Variants in COMMD10 observed in about 807,000 individuals in gnomAD.
The protein encoded by COMMD10 is COMM domain containing 10, also known as COMM domain-containing protein 10.
In COMMD10, 33 loss-of-function variants were observed where a neutral mutation model predicts 28.9. The observed-to-expected ratio is 1.14, with a 90% CI of 0.87 to 1.53. The LOEUF (loss-of-function observed/expected upper bound fraction) is 1.53. COMMD10 is among the 40% of genes most tolerant of loss of function. COMMD10 has a pLI of 0.00. For missense variants in COMMD10, 310 were observed against 233.4 expected (o/e 1.33, Z -2.14); for synonymous variants, 110 against 81.7 (o/e 1.35, Z -1.87).
intron 4 of COMMD10, among the ~76,000 whole-genome samples, chr5:116,099,722 G>A (rs1202937012): frequency 6.6e-6 from 1 of 152,082 alleles, no homozygotes; most frequent in African/African-American, 2.4e-5. Context: ...TTATATACCT[G>A]TTGATCATTT....
intron 5 of COMMD10, among the ~76,000 whole-genome samples, chr5:116,167,968 A>T (rs1313424349): frequency 6.6e-6 from 1 of 152,166 alleles, no homozygotes; most frequent in Non-Finnish European, 1.5e-5. Context: ...ACAGGATCAA[A>T]TTCACATGAA....
intron 5 of COMMD10, among the ~76,000 whole-genome samples, chr5:116,159,749 A>G (rs1225722635): frequency 6.6e-6 from 1 of 152,218 alleles, no homozygotes; most frequent in Non-Finnish European, 1.5e-5. Context: ...GACTCCACAG[A>G]GGAAAACATC....
chr5:116,219,579 TAGA>T (rs968131597), intron 5 of COMMD10, among the ~76,000 whole-genome samples: 36 of 152,144 alleles, frequency 2.4e-4, no homozygotes, highest in African/African-American at 7.7e-4. Context: ...TGCTGGCAGC[TAGA>T]AGGAGGAAGA....
intron 4 of COMMD10, among the ~76,000 whole-genome samples, chr5:116,101,720 G>T (rs993603881): frequency 6.6e-6 from 1 of 152,130 alleles, no homozygotes; most frequent in African/African-American, 2.4e-5. Flanking sequence ...CACTGCGCCC[G>T]GACTTTCTTC....
chr5:116,232,474 C>T (rs953248678), intron 5 of COMMD10, among the ~76,000 whole-genome samples: 5 of 152,028 alleles, frequency 3.3e-5, no homozygotes, highest in Non-Finnish European at 5.9e-5. Context: ...AGGACCTCGG[C>T]ATAAGTGTTC....
At chr5:116,169,940 G>T (rs1753264841) in intron 5 of COMMD10, among the ~76,000 whole-genome samples, 1 of 152,114 alleles carries the variant, frequency 6.6e-6, no homozygotes, top group African/African-American at 2.4e-5. Flanking sequence ...AGACAGCGAT[G>T]CCCTCTCTCA....
chr5:116,121,829 A>C lies in COMMD10; in HGVS notation c.400-12239A>C, dbSNP rs565755897. Among the ~76,000 whole-genome samples, 288 of 151,708 alleles carry C rather than the reference A, an allele frequency of 1.9e-3. 2 individuals carry two copies. The highest frequency in any genetic ancestry group is 6.6e-3 in the African/African-American group (272 of 41,382). ...CTTTGCCCACTTTTTGAATGGGGTT[A>C]TTTGTTTTTTTCTTGTAAATTTGTT... is the stretch of plus-strand genomic sequence containing the variant. On this transcript the variant is annotated intron_variant, in intron 4 of 6. Coordinates refer to ENST00000274458, the MANE Select transcript of COMMD10 (RefSeq NM_016144.4).
chr5:116,240,258 A>G (rs1429929263), intron 5 of COMMD10, among the ~76,000 whole-genome samples: 1 of 152,124 alleles, frequency 6.6e-6, no homozygotes, highest in Non-Finnish European at 1.5e-5. Context: ...GAAGAAAAAT[A>G]TGGGAAGAGA....
chr5:116,200,589 C>T (rs1442393425), intron 5 of COMMD10, among the ~76,000 whole-genome samples: 1 of 151,740 alleles, frequency 6.6e-6, no homozygotes, highest in African/African-American at 2.4e-5. Context: ...TGCCACATTT[C>T]CTCCTGGGTT....
At chr5:116,106,944 G>A (rs1750859041) in intron 4 of COMMD10, among the ~76,000 whole-genome samples, 1 of 152,156 alleles carries the variant, frequency 6.6e-6, no homozygotes, top group African/African-American at 2.4e-5. Flanking sequence ...TTGCCAGTCT[G>A]TGTCTTTTAA....
chr5:116,278,913 C>G (rs1441837832), intron 5 of COMMD10, among the ~76,000 whole-genome samples: 1 of 151,742 alleles, frequency 6.6e-6, no homozygotes, highest in East Asian at 1.9e-4. Context: ...TCAAATACTA[C>G]AATATAATTA....
At chr5:116,210,302 G>C (rs1414386784) in intron 5 of COMMD10, among the ~76,000 whole-genome samples, 1 of 151,322 alleles carries the variant, frequency 6.6e-6, no homozygotes, top group African/African-American at 2.4e-5. Flanking sequence ...ATTTTATTCT[G>C]TTAAATTATG....
At chr5:116,167,212 G>A (rs1337374707) in intron 5 of COMMD10, among the ~76,000 whole-genome samples, 2 of 151,794 alleles carry the variant, frequency 1.3e-5, no homozygotes, top group Admixed American at 1.3e-4. Flanking sequence ...CTACACAAGT[G>A]TCAATAGCTG....
chr5:116,260,904 A>G (rs1465476474), intron 5 of COMMD10, among the ~76,000 whole-genome samples: 4 of 151,804 alleles, frequency 2.6e-5, no homozygotes, highest in Non-Finnish European at 5.9e-5. Flanking sequence ...GTCATTATTC[A>G]AAAATAGAAA....
intron 4 of COMMD10, among the ~76,000 whole-genome samples, chr5:116,130,716 AAGG>A (rs1187642665): frequency 6.6e-6 from 1 of 152,040 alleles, no homozygotes; most frequent in Non-Finnish European, 1.5e-5. Context: ...CCACATGGCT[AAGG>A]AGTTTTGTGA....
intron 5 of COMMD10, among the ~76,000 whole-genome samples, chr5:116,269,194 C>A (rs140614777): frequency 2.0e-4 from 31 of 151,846 alleles, no homozygotes; most frequent in Non-Finnish European, 3.2e-4. Context: ...ACAACTGACA[C>A]AAACAAAACC....
chr5:116,189,299 T>C (rs1042525360), intron 5 of COMMD10, among the ~76,000 whole-genome samples: 14 of 152,260 alleles, frequency 9.2e-5, no homozygotes, highest in Middle Eastern at 3.4e-3. Flanking sequence ...ACTCCCAGGC[T>C]CAAGCAGTCC....
rs570616387 is a variant in COMMD10, at chr5:116,228,375, A to G, written c.511-63142A>G. Among the ~76,000 whole-genome samples the G allele has an allele frequency of 9.9e-5, 15 of 152,086 alleles. No homozygotes were observed. In the South Asian group the frequency reaches 3.1e-3, roughly 32 times the overall value. On this transcript the variant is annotated intron_variant, in intron 5 of 6. Coordinates refer to ENST00000274458, the MANE Select transcript of COMMD10 (RefSeq NM_016144.4). ...GTTCAAAAAATAAAATTTTATTCAC[A>G]TTGTTGATTTTGCCCAATGACACAA... is the stretch of plus-strand genomic sequence containing the variant.
In COMMD10 at chr5:116,123,369, G is replaced by A. The variant is rs78570917; in HGVS notation, c.400-10699G>A. Among the ~76,000 whole-genome samples, 597 of 152,256 alleles carry A rather than the reference G, an allele frequency of 3.9e-3. 5 individuals are homozygous for A. The highest frequency in any genetic ancestry group is 0.013 in the African/African-American group (544 of 41,548). ...TGTTTCTATTTATGTGATGGATTAC[G>A]TTTATTGATTGGCGTATGTTGAACC... On this transcript the variant is annotated intron_variant, in intron 4 of 6. Transcript: ENST00000274458.
Sources: allele counts gnomAD v4.1 joint callset (sites outside exome capture counted in the v4.1 genomes callset), GRCh38; gene constraint gnomAD v4.1.1; transcripts MANE v1.5; gene names NCBI Gene and HGNC (gene_info 2026-07-23, HGNC 2026-07-21).